Variants in PDLIM1 observed in about 807,000 individuals in gnomAD.
The protein encoded by PDLIM1 is PDZ and LIM domain protein 1.
Under a neutral mutation model 35.2 loss-of-function variants are expected in PDLIM1, and 25 were observed. The observed-to-expected ratio is 0.71, with a 90% CI of 0.52 to 0.99. PDLIM1 has a LOEUF of 0.99. PDLIM1 is among the 50% of genes least tolerant of loss of function. The pLI, the probability that PDLIM1 is intolerant of heterozygous loss-of-function variation, is 0.00. For synonymous variants in PDLIM1, 152 were observed against 154.0 expected (o/e 0.99, Z 0.10); for missense variants, 363 against 415.3 (o/e 0.87, Z 1.09).
intron 1 of PDLIM1, among the ~76,000 whole-genome samples, chr10:95,283,740 A>G (rs1196037000): frequency 6.6e-6 from 1 of 152,210 alleles, no homozygotes; most frequent in Non-Finnish European, 1.5e-5. Context: ...TACAGCACAA[A>G]TGGTAACGAT....
At chr10:95,238,214 T>C in intron 6 of PDLIM1, 103 bp from the exon 7 acceptor site, 1 of 1,032,696 alleles carries the variant, frequency 9.7e-7, no homozygotes, top group Non-Finnish European at 1.4e-6. Context: ...CTGGGGCTTC[T>C]CCCCAGGAAC....
At chr10:95,282,966 G>A (rs549722946) in intron 1 of PDLIM1, among the ~76,000 whole-genome samples, 29 of 152,250 alleles carry the variant, frequency 1.9e-4, no homozygotes, top group African/African-American at 5.8e-4. Flanking sequence ...TTCCTCAAAA[G>A]TTTCCAAACA....
intron 3 of PDLIM1, among the ~76,000 whole-genome samples, chr10:95,266,655 G>C (rs1308548216): frequency 1.3e-5 from 2 of 152,130 alleles, no homozygotes; most frequent in Non-Finnish European, 2.9e-5. Context: ...ACCAGGGTCT[G>C]TTCCCTTCTC....
intron 3 of PDLIM1, among the ~76,000 whole-genome samples, chr10:95,267,329 T>C (rs17526000): frequency 0.063 from 9,519 of 152,248 alleles, 411 homozygotes; most frequent in South Asian, 0.19. Context: ...AAATCATTCC[T>C]TGTGTGTTAT....
rs1440640324 is a variant in PDLIM1 at position 95,257,038 on chromosome 10, G to GAAAGAAAGAAAGAAAGAAAGAAAT, written c.533+6825_533+6826insATTTCTTTCTTTCTTTCTTTCTTT. On this transcript the variant is annotated intron_variant, in intron 4 of 6. Transcript: ENST00000329399. Reference sequence around the variant, plus strand: ...AGAAAGAAAGAAAGAAAGAAAGAAAGAATTCAAAATAGATTAAAGACCAAC... The same window carrying GAAAGAAAGAAAGAAAGAAAGAAAT: ...AGAAAGAAAGAAAGAAAGAAAGAAAGAAAGAAAGAAAGAAAGAAAGAAATAATTCAAAATAGATTAAAGACCAAC... Among the ~76,000 whole-genome samples, 301 of 129,762 alleles carry GAAAGAAAGAAAGAAAGAAAGAAAT rather than the reference G, an allele frequency of 2.3e-3. 16 individuals are homozygous for GAAAGAAAGAAAGAAAGAAAGAAAT. The highest frequency in any genetic ancestry group is 8.5e-3 in the African/African-American group (281 of 33,152). The allele number at this position is 129,762 out of a possible 152,430, so 85.1% of individuals were successfully genotyped here.
chr10:95,245,786 T>A (rs1306522146), intron 5 of PDLIM1, among the ~76,000 whole-genome samples: 2 of 152,178 alleles, frequency 1.3e-5, no homozygotes, highest in Non-Finnish European at 2.9e-5. Flanking sequence ...TAATTTCCTA[T>A]GGTTGTAAAC....
intron 4 of PDLIM1, among the ~76,000 whole-genome samples, chr10:95,260,490 G>C (rs2035350407): frequency 6.6e-6 from 1 of 152,098 alleles, no homozygotes; most frequent in South Asian, 2.1e-4. Flanking sequence ...CTCAATAAAT[G>C]ATTATGCTGA....
chr10:95,281,109 CTGAA>C (rs1211642019), intron 1 of PDLIM1, among the ~76,000 whole-genome samples: 1 of 152,140 alleles, frequency 6.6e-6, no homozygotes, highest in Non-Finnish European at 1.5e-5. Context: ...AACTCTCTCC[CTGAA>C]TGAAGTTAAA....
intron 4 of PDLIM1, among the ~76,000 whole-genome samples, chr10:95,249,303 A>C (rs546371467): frequency 3.4e-4 from 52 of 152,364 alleles, no homozygotes; most frequent in African/African-American, 1.3e-3. Context: ...CTGGCCCCAG[A>C]TCACCACCTT....
intron 1 of PDLIM1, among the ~76,000 whole-genome samples, chr10:95,285,836 G>GT (rs1243823924): frequency 6.6e-6 from 1 of 152,106 alleles, no homozygotes; most frequent in Non-Finnish European, 1.5e-5. Context: ...AATATATTAT[G>GT]GTCTTAGAAT....
At chr10:95,282,073 A>G (rs148427948) in intron 1 of PDLIM1, among the ~76,000 whole-genome samples, 1,642 of 152,374 alleles carry the variant, frequency 0.011, 22 homozygotes, top group African/African-American at 0.037. Flanking sequence ...TAACGATAGT[A>G]ATAATTATAT....
chr10:95,238,757 C>T (rs2035148840), intron 5 of PDLIM1, 72 bp from the exon 6 acceptor site: 1 of 947,262 alleles, frequency 1.1e-6, no homozygotes, highest in Non-Finnish European at 1.7e-6. Context: ...CTCTTCAGAA[C>T]CACTTATAAA....
At chr10:95,263,552 G>A (rs2035384650) in intron 4 of PDLIM1, among the ~76,000 whole-genome samples, 1 of 152,210 alleles carries the variant, frequency 6.6e-6, no homozygotes, top group Non-Finnish European at 1.5e-5. Flanking sequence ...GAAGGACTAT[G>A]TTCAATTAGA....
intron 1 of PDLIM1, among the ~76,000 whole-genome samples, chr10:95,275,943 C>T (rs2035508191): frequency 6.6e-6 from 1 of 151,972 alleles, no homozygotes; most frequent in Admixed American, 6.6e-5. Flanking sequence ...CTCAGAAAGT[C>T]ACAAGCAACA....
At chr10:95,247,439 A>G in intron 4 of PDLIM1, 73 bp from the exon 5 acceptor site, 1 of 1,214,688 alleles carries the variant, frequency 8.2e-7, no homozygotes. Context: ...AACCTCCTCC[A>G]GGCAGACACT....
chr10:95,253,772 A>G (rs79551183), intron 4 of PDLIM1, among the ~76,000 whole-genome samples: 10,742 of 152,248 alleles, frequency 0.071, 451 homozygotes, highest in South Asian at 0.18. Flanking sequence ...CTTGTTGACA[A>G]GTAAAGCAAA....
intron 1 of PDLIM1, among the ~76,000 whole-genome samples, chr10:95,284,056 C>G (rs1377829615): frequency 6.6e-6 from 1 of 151,166 alleles, no homozygotes; most frequent in East Asian, 1.9e-4. Context: ...TTTCTTCACT[C>G]TTGTTGCTGT....
At chr10:95,248,955 T>C (rs1443452431) in intron 4 of PDLIM1, among the ~76,000 whole-genome samples, 2 of 152,286 alleles carry the variant, frequency 1.3e-5, no homozygotes, top group Middle Eastern at 3.4e-3. Context: ...GTCCGCCACA[T>C]CCCCACTATC....
At chr10:95,284,006 T>C (rs2133442839) in intron 1 of PDLIM1, among the ~76,000 whole-genome samples, 1 of 152,260 alleles carries the variant, frequency 6.6e-6, no homozygotes, top group South Asian at 2.1e-4. Flanking sequence ...TGTGTGTGTG[T>C]GTGTGTGTGT....
Sources: gnomAD v4.1 joint callset for allele counts (sites outside exome capture counted in the v4.1 genomes callset) on GRCh38, gnomAD v4.1.1 for gene constraint, MANE v1.5 for transcripts, NCBI Gene and HGNC (gene_info 2026-07-23, HGNC 2026-07-21) for gene names.